Variants in SPG11 observed in about 807,000 individuals in gnomAD.
SPG11 encodes spatacsin.
Under a neutral mutation model 274.0 loss-of-function variants are expected in SPG11, and 222 were observed. The observed-to-expected ratio is 0.81, with a 90% CI of 0.73 to 0.91. The LOEUF is 0.91. Among genes scored for constraint, SPG11 ranks in the 40% least tolerant of loss-of-function variants. The probability of loss-of-function intolerance (pLI) is 0.00; values close to 1 mark genes in which losing one functional copy is unlikely to be tolerated. For missense variants in SPG11, 3,114 were observed against 2,872.7 expected, an observed-to-expected ratio of 1.08 and a Z score of -1.92; for synonymous variants, 1,144 against 1,039.7, an observed-to-expected ratio of 1.10 and a Z score of -1.93.
chr15:44,628,589 C>T, intron 10 of SPG11, 80 bp downstream of exon 10: 1 of 1,317,130 alleles, frequency 7.6e-7, no homozygotes, highest in East Asian at 2.3e-5. Context: ...TATATAGAGT[C>T]TGAATTCTGT....
In SPG11 at chr15:44,600,625, C is replaced by A; in HGVS notation, c.3528G>T (p.Trp1176Cys). The change falls in exon 21 of 40, where the codon TGG (tryptophan) becomes TGT (cysteine). Residue 1176 changes from tryptophan (W) to cysteine (C), a missense_variant. Trp to Cys is a radical substitution (Grantham distance 215). Coordinates refer to ENST00000261866, the MANE Select transcript of SPG11 (RefSeq NM_025137.4). Reference protein sequence around the residue: ...SANTLAIGDAWSHLPHFSSPD... With the variant: ...SANTLAIGDACSHLPHFSSPD... ...GGCTAGAGAAATGTGGGAGATGACT[C>A]CATGCATCTAGGGGGAAAGTAAAAC... 6.2e-7 allele frequency: 1 copy of A among 1,613,830 alleles called. No individual in the cohort carries two copies. Among genetic ancestry groups the A allele is most frequent in the Non-Finnish European group, 8.5e-7 (1 of 1,179,796 alleles).
At chr15:44,593,552 C>T (rs550896470) in intron 26 of SPG11, among the ~76,000 whole-genome samples, 2 of 152,274 alleles carry the variant, frequency 1.3e-5, no homozygotes, top group South Asian at 4.1e-4. Flanking sequence ...CCTACTGTTG[C>T]CTGTGGCACT....
At chr15:44,627,667 G>A (rs959177216) in intron 10 of SPG11, among the ~76,000 whole-genome samples, 1 of 151,788 alleles carries the variant, frequency 6.6e-6, no homozygotes, top group South Asian at 2.1e-4. Context: ...TCAGCTCACC[G>A]CAACCTCCAC....
In SPG11 at chr15:44,562,870, G is replaced by A. The variant is rs1488998739; in HGVS notation, c.*251C>T. 2.2e-6 allele frequency: 1 copy of A among 460,648 alleles called. No individual in the cohort carries two copies. The allele number at this position is 460,648 out of a possible 1,614,324, so 28.5% of individuals were successfully genotyped here. A position where few individuals can be genotyped will look rare whatever the true frequency, so the allele number is the denominator to read the frequency against. ...AAAGTAGAAGCTGTCCTGAGGAAGA[G>A]GAAGCTTTTGATCTTAATACTAGTA... is the stretch of plus-strand genomic sequence containing the variant. On this transcript the variant is annotated 3_prime_UTR_variant, in exon 40 of 40. Coordinates refer to ENST00000261866, the MANE Select transcript of SPG11 (RefSeq NM_025137.4).
chr15:44,566,855 A>C lies in SPG11; in HGVS notation c.6755-550T>G, dbSNP rs1276685126. Among the ~76,000 whole-genome samples, 9 of 150,688 alleles carry C rather than the reference A, an allele frequency of 6.0e-5. 1 individual carries two copies. The highest frequency in any genetic ancestry group is 4.0e-4 in the Admixed American group (6 of 15,168). ...GTTGGGATTACAGGTGCATGCCGCC[A>C]CACCTGGCTATTTTTTTTTTGTATT... is the stretch of plus-strand genomic sequence containing the variant. On this transcript the variant is annotated intron_variant, in intron 36 of 39. Transcript: ENST00000261866.
intron 19 of SPG11, among the ~76,000 whole-genome samples, chr15:44,607,752 A>G (rs143891489): frequency 6.6e-6 from 1 of 152,338 alleles, no homozygotes; most frequent in African/African-American, 2.4e-5. Flanking sequence ...AATTATATGC[A>G]TATGTGTAAT....
At chr15:44,569,946 A>C (rs1409882901) in intron 34 of SPG11, among the ~76,000 whole-genome samples, 1 of 152,084 alleles carries the variant, frequency 6.6e-6, no homozygotes, top group East Asian at 1.9e-4. Context: ...GACCTCAGGC[A>C]ATCCGCCTGC....
intron 36 of SPG11, 64 bp from the exon 37 acceptor site, chr15:44,566,369 T>C: frequency 6.7e-7 from 1 of 1,488,376 alleles, no homozygotes; most frequent in East Asian, 2.3e-5. Context: ...CTCATCCCAC[T>C]CATTGTGATC....
chr15:44,621,163 C>T (rs925034204), intron 14 of SPG11: 1 of 153,128 alleles, frequency 6.5e-6, no homozygotes, highest in African/African-American at 2.4e-5. Context: ...ATAATCAATG[C>T]TACAGCCAAA....
rs571291981 is a variant in SPG11, at chr15:44,635,882, A to C, written c.1603-2245T>G. ...CAGTGAGCCGAGATTGCGCCATTGC[A>C]CTCCAGCCTGAGTGACAGAGTGAGA... On this transcript the variant is annotated intron_variant, in intron 7 of 39. Coordinates refer to ENST00000261866, the MANE Select transcript of SPG11 (RefSeq NM_025137.4). Among the ~76,000 whole-genome samples, 3 of 151,446 alleles carry C rather than the reference A, an allele frequency of 2.0e-5. No individual in the cohort carries two copies. The South Asian group carries it at 6.3e-4, about 32-fold the overall frequency.
chr15:44,610,104 T>C (rs1001342536), intron 18 of SPG11, among the ~76,000 whole-genome samples: 27 of 151,934 alleles, frequency 1.8e-4, no homozygotes, highest in Non-Finnish European at 4.4e-5. Context: ...GGTTTCAGCA[T>C]GTTGGCCAGG....
chr15:44,608,503 G>A lies in SPG11; in HGVS notation c.3394C>T (p.Pro1132Ser), dbSNP rs891639488. 6 of 1,613,958 alleles carry A rather than the reference G, an allele frequency of 3.7e-6. No homozygotes were observed. In the African/African-American group the frequency reaches 6.7e-5, roughly 18 times the overall value. Residue 1132 changes from proline to serine, a missense_variant, in exon 19 of 40, where the codon CCA (proline) becomes TCA (serine). By Grantham distance (74) the Pro-to-Ser change is moderately conservative (BLOSUM62 -1). Transcript: ENST00000261866. ...PYPKLKTALF[P>S]QCTPPSVLPS... Reference sequence around the variant, plus strand: ...AGGACACTAGGAGGAGTGCACTGTGGGAAGAGAGCAGTTTTTAGCTTGGGG... The same window carrying A: ...AGGACACTAGGAGGAGTGCACTGTGAGAAGAGAGCAGTTTTTAGCTTGGGG...
At chr15:44,622,868 G>A in intron 11 of SPG11, 69 bp from the exon 12 acceptor site, 1 of 1,109,596 alleles carries the variant, frequency 9.0e-7, no homozygotes, top group Non-Finnish European at 1.4e-6. Flanking sequence ...ATAAATATGT[G>A]TTAGATACAG....
chr15:44,576,082 C>T (rs187551501), intron 30 of SPG11, among the ~76,000 whole-genome samples: 142 of 117,060 alleles, frequency 1.2e-3, no homozygotes, highest in African/African-American at 4.1e-3. Context: ...GCGGAGGTTG[C>T]GGTGAGCCGA....
chr15:44,652,808 C>G (rs1370479893), intron 4 of SPG11, among the ~76,000 whole-genome samples: 1 of 152,064 alleles, frequency 6.6e-6, no homozygotes, highest in African/African-American at 2.4e-5. Flanking sequence ...GTGCATGCCA[C>G]CATGCCTGGC....
In SPG11 at chr15:44,589,344, A is replaced by T; in HGVS notation, c.4814T>A (p.Leu1605His). Residue 1605 changes from leucine to histidine, a missense_variant, in exon 28 of 40, where the codon CTT becomes CAT. Coordinates refer to ENST00000261866, the MANE Select transcript of SPG11 (RefSeq NM_025137.4). Reference sequence around the variant, plus strand: ...ACACTGCTGTAGCATAAGCTTCAAAAGGAAACACACCTGATCCTCCAGCCA... The same window carrying T: ...ACACTGCTGTAGCATAAGCTTCAAATGGAAACACACCTGATCCTCCAGCCA... ...AMWLEDQVCF[L>H]LKLMLQQCKT... 1 of 1,614,180 alleles carries T rather than the reference A, an allele frequency of 6.2e-7. No homozygotes were observed. The highest frequency in any genetic ancestry group is 8.5e-7 in the Non-Finnish European group (1 of 1,179,992).
In SPG11 at chr15:44,567,504, A is replaced by G; in HGVS notation, c.6674T>C (p.Phe2225Ser). 2.5e-6 allele frequency: 4 copies of G among 1,614,094 alleles called. No individual in the cohort carries two copies. The highest frequency in any genetic ancestry group is 3.4e-6 in the Non-Finnish European group (4 of 1,180,020). ...CTCGCCAATCTCCCGGCACATGCTGAAGCACAGGGCAATCATATTGTGCTT... is the reference window on the plus strand; with the variant it reads ...CTCGCCAATCTCCCGGCACATGCTGGAGCACAGGGCAATCATATTGTGCTT... Reference protein sequence around the residue: ...SEKHNMIALCFSMCREIGENH... With the variant: ...SEKHNMIALCSSMCREIGENH... Residue 2225 changes from phenylalanine (F) to serine (S), a missense_variant, in exon 36 of 40, where the codon TTC (phenylalanine) becomes TCC (serine). Phe to Ser is a radical substitution (Grantham distance 155). Transcript: ENST00000261866.
At chr15:44,580,105 T>C (rs374328170) in intron 30 of SPG11, among the ~76,000 whole-genome samples, 2 of 152,318 alleles carry the variant, frequency 1.3e-5, no homozygotes, top group East Asian at 1.9e-4. Context: ...AAATCTCCAA[T>C]TGTTTATTTC....
chr15:44,657,961 G>C (rs1343912905), intron 3 of SPG11, among the ~76,000 whole-genome samples: 1 of 152,162 alleles, frequency 6.6e-6, no homozygotes, highest in Non-Finnish European at 1.5e-5. Flanking sequence ...CAGGAGGCAG[G>C]GGTTGCAGTG....
Sources: allele counts gnomAD v4.1 joint callset (sites outside exome capture counted in the v4.1 genomes callset), GRCh38; gene constraint gnomAD v4.1.1; transcripts MANE v1.5; gene names NCBI Gene and HGNC (gene_info 2026-07-23, HGNC 2026-07-21).